MYO1D: variants seen among roughly 807,000 people sequenced by gnomAD.
The protein encoded by MYO1D is unconventional myosin-Id.
In MYO1D, 83 loss-of-function variants were observed where a neutral mutation model predicts 122.0. The observed-to-expected ratio is 0.68, with a 90% confidence interval of 0.57 to 0.82. The LOEUF (loss-of-function observed/expected upper bound fraction) is 0.82, where lower values mean the gene tolerates loss of function less well. Ranked by LOEUF, MYO1D falls within the 40% of genes least tolerant of loss-of-function variation. The pLI is 0.00. For synonymous variants in MYO1D, 464 were observed against 446.9 expected, an observed-to-expected ratio of 1.04 and a Z score of -0.48; for missense variants, 1,157 against 1,269.5, an observed-to-expected ratio of 0.91 and a Z score of 1.35.
At chr17:32,690,390 G>C (rs2089080302) in intron 16 of MYO1D, among the ~76,000 whole-genome samples, 1 of 152,120 alleles carries the variant, frequency 6.6e-6, no homozygotes, top group African/African-American at 2.4e-5. Flanking sequence ...GCCCAGGCTG[G>C]TCGCGAACTC....
chr17:32,871,445 AAG>A (rs1218770230), intron 1 of MYO1D, among the ~76,000 whole-genome samples: 1 of 152,374 alleles, frequency 6.6e-6, no homozygotes, highest in Middle Eastern at 3.4e-3. Flanking sequence ...TAGATTAAAA[AAG>A]AGAAGTTGCA....
chr17:32,828,770 G>A (rs1224561403), intron 1 of MYO1D, among the ~76,000 whole-genome samples: 1 of 152,204 alleles, frequency 6.6e-6, no homozygotes, highest in Non-Finnish European at 1.5e-5. Context: ...GTGCTAAGAG[G>A]CAAGGTGGTG....
chr17:32,782,934 T>TAA lies in MYO1D; in HGVS notation c.96-2152_96-2151dup, dbSNP rs5819996. On this transcript the variant is annotated intron_variant, in intron 1 of 21. Coordinates refer to ENST00000318217, the MANE Select transcript of MYO1D (RefSeq NM_015194.3). ...TGGGCAGCAGAGTGAGACTCCATCT[T>TAA]AAAAAAAAAAAAATCCAATTCCCTG... 8.2e-4 allele frequency among the ~76,000 whole-genome samples: 121 copies of TAA among 147,238 alleles called. 1 individual carries two copies. The highest frequency in any genetic ancestry group is 6.9e-3 in the Middle Eastern group (2 of 288).
rs1158470135 is a variant in MYO1D, at chr17:32,612,696, CAA to C, written c.2710-7457_2710-7456del. 1.3e-3 allele frequency among the ~76,000 whole-genome samples: 135 copies of C among 104,628 alleles called. 1 individual carries two copies. The highest frequency in any genetic ancestry group is 1.6e-3 in the Admixed American group (14 of 8,680). 68.6% of individuals were successfully genotyped at this position (104,628 alleles called of 152,430 possible). ...GAGACCCATCTCAAAAAAAAAAAAA[CAA>C]AAAAAAAAAAAAAAGAAGAAGAAGA... On this transcript the variant is annotated intron_variant, in intron 20 of 21. Transcript: ENST00000318217.
At chr17:32,783,878 C>G (rs1327056882) in intron 1 of MYO1D, among the ~76,000 whole-genome samples, 2 of 152,256 alleles carry the variant, frequency 1.3e-5, no homozygotes, top group East Asian at 1.9e-4. Flanking sequence ...TACAAGAGAC[C>G]AAGGAAGGTG....
At chr17:32,806,131 C>T (rs1273109988) in intron 1 of MYO1D, among the ~76,000 whole-genome samples, 4 of 152,078 alleles carry the variant, frequency 2.6e-5, no homozygotes, top group South Asian at 2.1e-4. Context: ...TGGTGGCACA[C>T]GCCTGTGGTT....
chr17:32,616,754 C>T (rs896851148), intron 20 of MYO1D, among the ~76,000 whole-genome samples: 1 of 152,216 alleles, frequency 6.6e-6, no homozygotes, highest in Admixed American at 6.5e-5. Context: ...CTCACCCCTT[C>T]AATCTAGGCT....
At chr17:32,841,497 A>C (rs1397142434) in intron 1 of MYO1D, among the ~76,000 whole-genome samples, 1 of 151,950 alleles carries the variant, frequency 6.6e-6, no homozygotes, top group Non-Finnish European at 1.5e-5. Context: ...ACCCCTTTGC[A>C]AGTCAAGAAG....
intron 6 of MYO1D, 75 bp downstream of exon 6, chr17:32,771,050 A>T: frequency 8.9e-7 from 1 of 1,124,894 alleles, no homozygotes; most frequent in East Asian, 2.4e-5. Flanking sequence ...AGGCTTGACC[A>T]GATAATTATT....
chr17:32,549,088 T>A (rs1186427093), intron 21 of MYO1D, among the ~76,000 whole-genome samples: 1 of 152,182 alleles, frequency 6.6e-6, no homozygotes, highest in Non-Finnish European at 1.5e-5. Flanking sequence ...ACAAAATGCA[T>A]AATCCTTTTT....
chr17:32,859,472 C>G (rs1416159360), intron 1 of MYO1D, among the ~76,000 whole-genome samples: 7 of 152,216 alleles, frequency 4.6e-5, no homozygotes, highest in African/African-American at 1.7e-4. Context: ...TGTGGCTCCC[C>G]TTCCCCTGGG....
chr17:32,606,110 A>C (rs1365171986), intron 20 of MYO1D, among the ~76,000 whole-genome samples: 1 of 152,200 alleles, frequency 6.6e-6, no homozygotes, highest in East Asian at 1.9e-4. Flanking sequence ...TCTCAACAAC[A>C]ACAACAAATA....
At chr17:32,616,534 G>A (rs912700142) in intron 20 of MYO1D, among the ~76,000 whole-genome samples, 4 of 148,012 alleles carry the variant, frequency 2.7e-5, no homozygotes, top group Non-Finnish European at 5.9e-5. Flanking sequence ...TGCCCAGACT[G>A]GTCTTGAATT....
intron 19 of MYO1D, among the ~76,000 whole-genome samples, chr17:32,640,441 C>T (rs1352785806): frequency 1.3e-5 from 2 of 148,512 alleles, no homozygotes; most frequent in South Asian, 4.4e-4. Flanking sequence ...CGTCATCTAG[C>T]ATTAGGTATA....
At position 32,780,608 on chromosome 17, in the gene MYO1D, C is replaced by A; in HGVS notation, c.272G>T (p.Arg91Met). The change falls in exon 2 of 22, where the codon AGG (arginine) becomes ATG (methionine). Residue 91 changes from arginine (R) to methionine (M), a missense_variant. By Grantham distance (91) the Arg-to-Met change is moderately conservative. Transcript: ENST00000318217. Reference sequence around the variant, plus strand: ...CACAATACAAGTGTCTTTTGATCGCCTCTTCATAGCCTTGTAAGCAGCATC... The same window carrying A: ...CACAATACAAGTGTCTTTTGATCGCATCTTCATAGCCTTGTAAGCAGCATC... Reference protein sequence around the residue: ...IADAAYKAMKRRSKDTCIVIS... With the variant: ...IADAAYKAMKMRSKDTCIVIS... 1 of 1,614,056 alleles carries A rather than the reference C, an allele frequency of 6.2e-7. No homozygotes were observed. The highest frequency in any genetic ancestry group is 8.5e-7 in the Non-Finnish European group (1 of 1,180,020).
intron 16 of MYO1D, among the ~76,000 whole-genome samples, chr17:32,705,822 C>T (rs542105334): frequency 2.6e-5 from 4 of 152,200 alleles, no homozygotes; most frequent in South Asian, 4.2e-4. Context: ...GGGCAGTTTC[C>T]CCCATACTGT....
chr17:32,550,228 T>C (rs2086999902), intron 21 of MYO1D, among the ~76,000 whole-genome samples: 1 of 152,016 alleles, frequency 6.6e-6, no homozygotes, highest in African/African-American at 2.4e-5. Flanking sequence ...GCCTTCCAAG[T>C]AGCTGGGATT....
rs1452534655 is a variant in MYO1D at position 32,819,180 on chromosome 17, C to T, written c.96-38396G>A. Among the ~76,000 whole-genome samples, 7 of 151,280 alleles carry T rather than the reference C, an allele frequency of 4.6e-5. No homozygotes were observed. In the South Asian group the frequency reaches 6.3e-4, roughly 14 times the overall value. ...AATCTGAAATGACACAGCAATAATG[C>T]TTCATCATGTAGAAGTTGGTTTCAA... On this transcript the variant is annotated intron_variant, in intron 1 of 21. Coordinates refer to ENST00000318217, the MANE Select transcript of MYO1D (RefSeq NM_015194.3).
At chr17:32,585,950 C>A in intron 21 of MYO1D, among the ~76,000 whole-genome samples, 1 of 152,022 alleles carries the variant, frequency 6.6e-6, no homozygotes, top group East Asian at 1.9e-4. Context: ...TCGGCTACTT[C>A]TTTTGGTTTC....
Sources: gnomAD v4.1 joint callset for allele counts (sites outside exome capture counted in the v4.1 genomes callset) on GRCh38, gnomAD v4.1.1 for gene constraint, MANE v1.5 for transcripts, NCBI Gene and HGNC (gene_info 2026-07-23, HGNC 2026-07-21) for gene names.